Variants in CDK13 observed in about 807,000 individuals in gnomAD.
CDK13 encodes the protein cyclin-dependent kinase 13.
Under a neutral mutation model 137.6 loss-of-function variants are expected in CDK13, and 40 were observed. The ratio of observed to expected loss-of-function variants is 0.29; its 90% CI spans 0.23 to 0.38. The LOEUF is 0.38. Ranked by LOEUF, CDK13 falls within the 10% of genes least tolerant of loss-of-function variation. The probability of loss-of-function intolerance (pLI) is 1.00; values close to 1 mark genes in which losing one functional copy is unlikely to be tolerated. For synonymous variants in CDK13, 869 were observed against 760.1 expected (o/e 1.14, Z -2.36); for missense variants, 1,704 against 1,951.8 (o/e 0.87, Z 2.39).
At chr7:40,086,391 G>A (rs1385817715) in intron 11 of CDK13, among the ~76,000 whole-genome samples, 1 of 152,140 alleles carries the variant, frequency 6.6e-6, no homozygotes, top group Non-Finnish European at 1.5e-5. Context: ...ATTACCAGGT[G>A]GGGTTGCTTA....
At chr7:40,001,523 T>G (rs1784684730) in intron 4 of CDK13, among the ~76,000 whole-genome samples, 1 of 152,216 alleles carries the variant, frequency 6.6e-6, no homozygotes, top group Non-Finnish European at 1.5e-5. Flanking sequence ...CCTAGCATCT[T>G]TCTGTTTTCT....
chr7:39,962,241 A>G (rs1000778603), intron 1 of CDK13, among the ~76,000 whole-genome samples: 4 of 152,210 alleles, frequency 2.6e-5, no homozygotes, highest in African/African-American at 9.7e-5. Flanking sequence ...GAACTAGTTT[A>G]CAGTCCACCA....
Position 39,951,484 on chromosome 7 carries a change from C to T in CDK13, c.843C>T (p.Ser281=). Residue 281 remains serine, a synonymous_variant, in exon 1 of 14, where the codon AGC becomes AGT. Transcript: ENST00000181839. ...ACCGGGACTCGAAGGCCCACCGCAG[C>T]CGGACTAAGTCGTCCAAGGAGCCGC... ...RKDRDSKAHR[S]RTKSSKEPPS... The T allele has an allele frequency of 6.5e-7, 1 of 1,538,346 alleles. No individual in the cohort carries two copies.
rs71560157 is a variant in CDK13 at position 40,003,153 on chromosome 7, TACACACAC to T, written c.2353+1169_2353+1176del. Among the ~76,000 whole-genome samples the T allele has an allele frequency of 7.4e-3, 883 of 119,860 alleles. 19 individuals carry two copies. Among genetic ancestry groups the T allele is most frequent in the Admixed American group, 0.048 (536 of 11,200 alleles). 78.6% of individuals were successfully genotyped at this position (119,860 alleles called of 152,430 possible). On this transcript the variant is annotated intron_variant, in intron 5 of 13. Coordinates refer to ENST00000181839, the MANE Select transcript of CDK13 (RefSeq NM_003718.5). ...TACTTAGACTCCTGTCTTCCCCAGCTACACACACACACACACACACACACACACACACA... is the reference window on the plus strand; with the variant it reads ...TACTTAGACTCCTGTCTTCCCCAGCTACACACACACACACACACACACACA...
At chr7:39,958,917 A>G (rs1787513875) in intron 1 of CDK13, among the ~76,000 whole-genome samples, 1 of 152,024 alleles carries the variant, frequency 6.6e-6, no homozygotes, top group Non-Finnish European at 1.5e-5. Context: ...TCTCACCAAC[A>G]CTTGGAGTTG....
chr7:40,019,898 T>C (rs1405462890), intron 5 of CDK13, among the ~76,000 whole-genome samples: 3 of 152,174 alleles, frequency 2.0e-5, no homozygotes, highest in Non-Finnish European at 4.4e-5. Context: ...TATGCCATAA[T>C]GCATGATGCT....
chr7:40,091,708 A>G (rs538945907), intron 12 of CDK13, among the ~76,000 whole-genome samples: 2 of 152,344 alleles, frequency 1.3e-5, no homozygotes, highest in South Asian at 4.1e-4. Flanking sequence ...AAAATAAGGA[A>G]AAATGACTTT....
chr7:40,010,162 C>T (rs1224784203), intron 5 of CDK13, among the ~76,000 whole-genome samples: 1 of 152,072 alleles, frequency 6.6e-6, no homozygotes, highest in Non-Finnish European at 1.5e-5. Flanking sequence ...TGTTGAATCA[C>T]TGGGAGCCCT....
chr7:40,088,433 T>G, intron 12 of CDK13, 102 bp downstream of exon 12: 1 of 910,504 alleles, frequency 1.1e-6, no homozygotes, highest in Non-Finnish European at 1.7e-6. Flanking sequence ...ACAATGAAAA[T>G]TAACATTTAT....
At position 40,045,840 on chromosome 7, in the gene CDK13, A is replaced by C; in HGVS notation, c.2358A>C (p.Ala786=). Reference sequence around the variant, plus strand: ...ATTAATTATTCTCATTCTTAGGTGCATTTTATCTGGTGTTTGAATATATGG... The same window carrying C: ...ATTAATTATTCTCATTCTTAGGTGCCTTTTATCTGGTGTTTGAATATATGG... ...DALDFKKDKG[A]FYLVFEYMDH... Residue 786 remains alanine (A), a synonymous_variant, in exon 6 of 14, where the codon GCA becomes GCC. Transcript: ENST00000181839. 6.2e-7 allele frequency: 1 copy of C among 1,600,712 alleles called. No individual in the cohort carries two copies. The highest frequency in any genetic ancestry group is 8.5e-7 in the Non-Finnish European group (1 of 1,171,542).
intron 1 of CDK13, chr7:39,952,402 TAAAA>T (rs965305190): frequency 1.3e-5 from 2 of 152,182 alleles, no homozygotes; most frequent in African/African-American, 2.4e-5. Context: ...TTTAGTATGT[TAAAA>T]AAGCTTAGGT....
At chr7:39,970,763 T>A (rs1452815934) in intron 1 of CDK13, among the ~76,000 whole-genome samples, 2 of 152,058 alleles carry the variant, frequency 1.3e-5, no homozygotes, top group East Asian at 3.9e-4. Context: ...GCCTGGCCTG[T>A]TGTCATCTGT....
At chr7:39,955,836 G>C (rs1787388785) in intron 1 of CDK13, among the ~76,000 whole-genome samples, 1 of 152,008 alleles carries the variant, frequency 6.6e-6, no homozygotes, top group Non-Finnish European at 1.5e-5. Context: ...TGAAGTTACT[G>C]ATGTCAGATT....
At chr7:39,967,034 C>T (rs1783887694) in intron 1 of CDK13, among the ~76,000 whole-genome samples, 2 of 152,150 alleles carry the variant, frequency 1.3e-5, no homozygotes, top group East Asian at 1.9e-4. Flanking sequence ...TCGGGGGTGC[C>T]TCCCAGTTAG....
chr7:39,996,981 A>AAAAAAAAG (rs1562719371), intron 2 of CDK13, among the ~76,000 whole-genome samples: 6 of 150,350 alleles, frequency 4.0e-5, no homozygotes, highest in African/African-American at 1.2e-4. Flanking sequence ...AAAAAAGAAA[A>AAAAAAAAG]AAAAAAAGAA....
chr7:40,049,094 C>T (rs1785818285), intron 7 of CDK13: 1 of 137,664 alleles, frequency 7.3e-6, no homozygotes, highest in South Asian at 2.3e-4. Flanking sequence ...ACTTGGGAGG[C>T]TGAGGCACAA....
At chr7:39,954,311 T>C (rs1300151377) in intron 1 of CDK13, among the ~76,000 whole-genome samples, 2 of 152,244 alleles carry the variant, frequency 1.3e-5, no homozygotes, top group African/African-American at 2.4e-5. Context: ...TTTTAAAATA[T>C]AATAAGTGTA....
chr7:40,091,830 G>A (rs907165087), intron 12 of CDK13, among the ~76,000 whole-genome samples: 2 of 152,146 alleles, frequency 1.3e-5, no homozygotes, highest in African/African-American at 4.8e-5. Context: ...CATCATCTTA[G>A]AGTTCCTCTT....
chr7:39,999,542 G>T, intron 4 of CDK13, 42 bp downstream of exon 4: 2 of 1,527,290 alleles, frequency 1.3e-6, no homozygotes, highest in Non-Finnish European at 1.8e-6. Flanking sequence ...CCTACGGAAT[G>T]TACTTAGTTT....
Sources: gnomAD v4.1 joint callset for allele counts (sites outside exome capture counted in the v4.1 genomes callset) on GRCh38, gnomAD v4.1.1 for gene constraint, MANE v1.5 for transcripts, NCBI Gene and HGNC (gene_info 2026-07-23, HGNC 2026-07-21) for gene names.